Variants in FANCI observed in about 807,000 individuals in gnomAD.
FANCI encodes Fanconi anemia group I protein.
FANCI carries 156 observed loss-of-function variants against 176.1 expected under a neutral mutation model. The observed-to-expected ratio is 0.89, with a 90% CI of 0.78 to 1.01. The LOEUF (loss-of-function observed/expected upper bound fraction) is 1.01, where lower values mean the gene tolerates loss of function less well. FANCI is among the 50% of genes least tolerant of loss of function. FANCI has a pLI of 0.00. For synonymous variants in FANCI, 613 were observed against 541.7 expected, an observed-to-expected ratio of 1.13 and a Z score of -1.83; for missense variants, 1,678 against 1,534.1, an observed-to-expected ratio of 1.09 and a Z score of -1.57.
At chr15:89,259,704 C>A (rs890274916) in intron 3 of FANCI, among the ~76,000 whole-genome samples, 12 of 152,186 alleles carry the variant, frequency 7.9e-5, no homozygotes, top group Admixed American at 2.0e-4. Context: ...TTTGTCTCTA[C>A]AGATTTGTCT....
chr15:89,258,849 C>G, intron 3 of FANCI, 73 bp downstream of exon 3: 1 of 1,199,724 alleles, frequency 8.3e-7, no homozygotes, highest in Non-Finnish European at 1.2e-6. Flanking sequence ...TCGTACTTTT[C>G]TTACGGTTTG....
chr15:89,280,229 C>T (rs2053564485), intron 14 of FANCI, among the ~76,000 whole-genome samples: 1 of 152,060 alleles, frequency 6.6e-6, no homozygotes, highest in South Asian at 2.1e-4. Flanking sequence ...ACCATGTTGG[C>T]CAGGATGGTC....
intron 35 of FANCI, among the ~76,000 whole-genome samples, chr15:89,313,335 G>T (rs995100929): frequency 8.5e-5 from 13 of 152,170 alleles, no homozygotes; most frequent in Non-Finnish European, 1.6e-4. Context: ...AAAAAATTGT[G>T]TGTATTATAT....
At chr15:89,286,838 GTCT>G (rs767217703) in intron 18 of FANCI, among the ~76,000 whole-genome samples, 6 of 152,076 alleles carry the variant, frequency 3.9e-5, no homozygotes, top group East Asian at 1.9e-4. Context: ...CCCAGATAAA[GTCT>G]TCTTCCAATA....
At position 89,316,589 on chromosome 15, in the gene FANCI, C is replaced by T. The variant is rs1481383618; in HGVS notation, c.*130C>T. 1 of 1,111,334 alleles carries T rather than the reference C, an allele frequency of 9.0e-7. No individual in the cohort carries two copies. The highest frequency in any genetic ancestry group is 2.0e-4 in the Middle Eastern group (1 of 5,116). The allele number at this position is 1,111,334 out of a possible 1,614,324, so 68.8% of individuals were successfully genotyped here. On this transcript the variant is annotated 3_prime_UTR_variant, in exon 38 of 38. Transcript: ENST00000310775. ...GTTCTGAACCCACTGAATTCAACTGCACCTTCAGTTAGAAGGAATCTTCTT... is the reference window on the plus strand; with the variant it reads ...GTTCTGAACCCACTGAATTCAACTGTACCTTCAGTTAGAAGGAATCTTCTT...
At chr15:89,263,588 G>A in intron 7 of FANCI, 128 bp downstream of exon 7, 1 of 916,030 alleles carries the variant, frequency 1.1e-6, no homozygotes, top group South Asian at 1.4e-5. Context: ...TATGTTTTCT[G>A]TTACAGATTC....
chr15:89,283,921 C>G (rs2053718717), intron 17 of FANCI, among the ~76,000 whole-genome samples: 1 of 151,886 alleles, frequency 6.6e-6, no homozygotes, highest in East Asian at 1.9e-4. Context: ...TGCTACCGTG[C>G]CTGGCTAATT....
chr15:89,254,472 A>G (rs1221688834), intron 2 of FANCI, among the ~76,000 whole-genome samples: 3 of 152,216 alleles, frequency 2.0e-5, no homozygotes, highest in South Asian at 2.1e-4. Flanking sequence ...ATCTGGGACT[A>G]TTTGAGCATC....
chr15:89,315,836 G>C (rs1304508911), intron 37 of FANCI, among the ~76,000 whole-genome samples: 1 of 152,096 alleles, frequency 6.6e-6, no homozygotes, highest in African/African-American at 2.4e-5. Context: ...TTTACTCTTA[G>C]CAAGTGACAG....
chr15:89,267,435 GT>G (rs1314321996), intron 9 of FANCI, among the ~76,000 whole-genome samples: 1 of 151,216 alleles, frequency 6.6e-6, no homozygotes, highest in Non-Finnish European at 1.5e-5. Context: ...GATCTGAGAT[GT>G]TAATTAAGAT....
chr15:89,263,482 T>C, intron 7 of FANCI, 22 bp downstream of exon 7: 1 of 1,595,032 alleles, frequency 6.3e-7, no homozygotes, highest in Non-Finnish European at 8.6e-7. Flanking sequence ...CTTTTCCCTT[T>C]TCTTTGTGTA....
intron 27 of FANCI, among the ~76,000 whole-genome samples, chr15:89,303,294 GA>G (rs2054592701): frequency 6.6e-6 from 1 of 152,204 alleles, no homozygotes; most frequent in South Asian, 2.1e-4. Flanking sequence ...AAGAACTGCT[GA>G]AGCAGAAAGT....
At chr15:89,305,084 C>A in intron 28 of FANCI, 31 bp from the exon 29 acceptor site, 1 of 1,612,582 alleles carries the variant, frequency 6.2e-7, no homozygotes, top group South Asian at 1.1e-5. Context: ...CCACAACTTA[C>A]CTTTTAATTT....
intron 22 of FANCI, among the ~76,000 whole-genome samples, chr15:89,293,358 A>G (rs1325425179): frequency 6.6e-6 from 1 of 152,186 alleles, no homozygotes; most frequent in East Asian, 1.9e-4. Flanking sequence ...TGGTGGTAGT[A>G]TTGGACTTTA....
chr15:89,247,816 G>A (rs969389529), intron 2 of FANCI, 85 bp downstream of exon 2: 11 of 1,096,948 alleles, frequency 1.0e-5, no homozygotes, highest in Admixed American at 3.5e-5. Context: ...GAAAAATTAC[G>A]CTGCTTCTTC....
intron 20 of FANCI, 150 bp from the exon 21 acceptor site, chr15:89,292,538 A>G (rs2054107424): frequency 1.2e-6 from 1 of 811,634 alleles, no homozygotes; most frequent in African/African-American, 1.7e-5. Context: ...TAATTTTCCC[A>G]GTTTTGTTAA....
In FANCI at chr15:89,307,460, A is replaced by C. The variant is rs1472021009; in HGVS notation, c.3538-16A>C. 6.2e-7 allele frequency: 1 copy of C among 1,612,350 alleles called. No homozygotes were observed. Among genetic ancestry groups the C allele is most frequent in the Non-Finnish European group, 8.5e-7 (1 of 1,178,838 alleles). The stretch of plus-strand genomic sequence containing the variant: ...CATAGGACAGTCTACTAAATCTAGG[A>C]ATCTTTTTTTATTAGTATCTCCAGG... On this transcript the variant is annotated splice_polypyrimidine_tract_variant and intron_variant, in intron 32 of 37. Coordinates refer to ENST00000310775, the MANE Select transcript of FANCI (RefSeq NM_001113378.2).
At chr15:89,276,603 G>A (rs1053499586) in intron 12 of FANCI, 108 bp from the exon 13 acceptor site, 17 of 1,204,078 alleles carry the variant, frequency 1.4e-5, no homozygotes, top group African/African-American at 7.5e-5. Context: ...TGCAGAGTAC[G>A]TTGATTATCT....
chr15:89,299,343 C>A (rs1567169978), intron 24 of FANCI, among the ~76,000 whole-genome samples: 1 of 152,156 alleles, frequency 6.6e-6, no homozygotes, highest in Admixed American at 6.5e-5. Context: ...AATGTAAATT[C>A]TGTGCAAATT....
Sources: gnomAD v4.1 joint callset for allele counts (sites outside exome capture counted in the v4.1 genomes callset) on GRCh38, gnomAD v4.1.1 for gene constraint, MANE v1.5 for transcripts, NCBI Gene and HGNC (gene_info 2026-07-23, HGNC 2026-07-21) for gene names.